RABGAP1L: variants seen among roughly 807,000 people sequenced by gnomAD.
The protein encoded by RABGAP1L is RAB GTPase activating protein 1 like.
A neutral mutation model predicts 137.7 loss-of-function variants in RABGAP1L; 63 were observed. The observed-to-expected ratio is 0.46, with a 90% CI of 0.37 to 0.56. The LOEUF is 0.56. Ranked by LOEUF, RABGAP1L falls within the 20% of genes least tolerant of loss-of-function variation. The pLI, the probability that RABGAP1L is intolerant of heterozygous loss-of-function variation, is 0.00. For missense variants in RABGAP1L, 1,095 were observed against 1,244.0 expected (o/e 0.88, Z 1.80); for synonymous variants, 431 against 433.7 (o/e 0.99, Z 0.08).
At chr1:174,465,272 T>C (rs1337149074) in intron 13 of RABGAP1L, among the ~76,000 whole-genome samples, 1 of 152,208 alleles carries the variant, frequency 6.6e-6, no homozygotes, top group Non-Finnish European at 1.5e-5. Context: ...TGATCTCAGC[T>C]CACTGTGACC....
At chr1:174,836,381 G>C (rs1225469876) in intron 19 of RABGAP1L, among the ~76,000 whole-genome samples, 1 of 152,138 alleles carries the variant, frequency 6.6e-6, no homozygotes, top group Non-Finnish European at 1.5e-5. Context: ...TCATTTCAAA[G>C]ATGTATTCTT....
intron 1 of RABGAP1L, among the ~76,000 whole-genome samples, chr1:174,193,668 A>G (rs1330351619): frequency 6.6e-6 from 1 of 152,216 alleles, no homozygotes; most frequent in Non-Finnish European, 1.5e-5. Context: ...ATATAGGAAC[A>G]TTAAACAGAA....
At chr1:174,496,473 T>C (rs1044475390) in intron 13 of RABGAP1L, among the ~76,000 whole-genome samples, 6 of 152,228 alleles carry the variant, frequency 3.9e-5, no homozygotes, top group African/African-American at 1.4e-4. Flanking sequence ...ACTGGTAGAC[T>C]GGCCAAAGCC....
intron 17 of RABGAP1L, among the ~76,000 whole-genome samples, chr1:174,738,920 T>C (rs1683169787): frequency 1.3e-5 from 2 of 152,246 alleles, no homozygotes; most frequent in African/African-American, 4.8e-5. Flanking sequence ...TTAGGTCTCT[T>C]TGCCTTGTAG....
chr1:174,257,929 A>G (rs2148619017), intron 7 of RABGAP1L, among the ~76,000 whole-genome samples: 1 of 152,336 alleles, frequency 6.6e-6, no homozygotes, highest in East Asian at 1.9e-4. Flanking sequence ...CTAATATCTA[A>G]CACTTGCAAC....
Position 174,328,740 on chromosome 1 carries a change from A to C in RABGAP1L, c.1465+23613A>C, listed in dbSNP as rs111728037. Among the ~76,000 whole-genome samples, 809 of 152,334 alleles carry C rather than the reference A, an allele frequency of 5.3e-3. 10 individuals carry two copies. Among genetic ancestry groups the C allele is most frequent in the African/African-American group, 0.018 (768 of 41,590 alleles). On this transcript the variant is annotated intron_variant, in intron 11 of 25. Coordinates refer to ENST00000681986, the MANE Select transcript of RABGAP1L (RefSeq NM_001366446.1). ...AGCCGAGATCATGCCACTGCACTCC[A>C]GCCTGGGCGACAGAGCAAGACTCCA...
At chr1:174,477,990 A>G (rs1266860238) in intron 13 of RABGAP1L, among the ~76,000 whole-genome samples, 2 of 152,116 alleles carry the variant, frequency 1.3e-5, no homozygotes, top group East Asian at 3.8e-4. Context: ...TAAACTAGTA[A>G]TAAGTTTTAT....
chr1:174,639,030 G>A (rs1208315294), intron 14 of RABGAP1L, among the ~76,000 whole-genome samples: 5 of 147,938 alleles, frequency 3.4e-5, no homozygotes, highest in Non-Finnish European at 7.5e-5. Context: ...AAAACTTAAA[G>A]TGTAATAAAA....
At chr1:174,806,430 T>C (rs1056276093) in intron 18 of RABGAP1L, among the ~76,000 whole-genome samples, 11 of 152,070 alleles carry the variant, frequency 7.2e-5, no homozygotes, top group African/African-American at 2.2e-4. Flanking sequence ...CAAAACCCCA[T>C]CTGTAAAAGA....
At chr1:174,958,691 T>A (rs891384300) in intron 20 of RABGAP1L, among the ~76,000 whole-genome samples, 3 of 152,192 alleles carry the variant, frequency 2.0e-5, no homozygotes, top group Admixed American at 6.5e-5. Context: ...TAGCATGGGA[T>A]GTGTGCAGAG....
In RABGAP1L at chr1:174,199,514, A is replaced by G. The variant is rs916233291; in HGVS notation, c.-33-19611A>G. Among the ~76,000 whole-genome samples, 27 of 152,048 alleles carry G rather than the reference A, an allele frequency of 1.8e-4. 1 individual carries two copies. The highest frequency in any genetic ancestry group is 6.5e-4 in the African/African-American group (27 of 41,470). ...ACTATTTTGACCAGGCTGGTCTCGA[A>G]CTCCTGACCGCAAGTGATCCGCCCA... On this transcript the variant is annotated intron_variant, in intron 1 of 25. Transcript: ENST00000681986.
At chr1:174,339,883 A>C (rs1681819914) in intron 11 of RABGAP1L, among the ~76,000 whole-genome samples, 2 of 152,186 alleles carry the variant, frequency 1.3e-5, no homozygotes, top group Non-Finnish European at 2.9e-5. Flanking sequence ...CTGGAATTAC[A>C]GGTGTGAGCC....
intron 16 of RABGAP1L, chr1:174,700,645 T>G (rs1679577576): frequency 6.3e-6 from 1 of 158,972 alleles, no homozygotes; most frequent in African/African-American, 2.4e-5. Context: ...GTAGAAGACT[T>G]TAAAATTGAA....
intron 18 of RABGAP1L, among the ~76,000 whole-genome samples, chr1:174,762,005 A>G (rs1685265991): frequency 6.6e-6 from 1 of 152,028 alleles, no homozygotes; most frequent in Non-Finnish European, 1.5e-5. Context: ...ATAGGCCCCA[A>G]CTAGAGGGTG....
At chr1:174,611,772 G>T (rs376047757) in intron 13 of RABGAP1L, among the ~76,000 whole-genome samples, 1 of 151,918 alleles carries the variant, frequency 6.6e-6, no homozygotes, top group Admixed American at 6.6e-5. Context: ...GGTCCTTCAC[G>T]TCCCTTTTAA....
intron 7 of RABGAP1L, 113 bp downstream of exon 7, chr1:174,252,703 G>A (rs1672809394): frequency 3.5e-6 from 5 of 1,429,528 alleles, no homozygotes; most frequent in Non-Finnish European, 4.6e-6. Context: ...AATTAAAAAT[G>A]AGGATAATTA....
Position 174,736,717 on chromosome 1 carries a change from G to A in RABGAP1L, c.2170-15596G>A, listed in dbSNP as rs573419086. On this transcript the variant is annotated intron_variant, in intron 17 of 25. Coordinates refer to ENST00000681986, the MANE Select transcript of RABGAP1L (RefSeq NM_001366446.1). Reference sequence around the variant, plus strand: ...TTTCATACATGTCCTGAAATCTAGGGGAAATCTGCCAAGCATCCTTCATGC... The same window carrying A: ...TTTCATACATGTCCTGAAATCTAGGAGAAATCTGCCAAGCATCCTTCATGC... Among the ~76,000 whole-genome samples, 3 of 152,304 alleles carry A rather than the reference G, an allele frequency of 2.0e-5. No individual in the cohort carries two copies. The East Asian group carries it at 5.8e-4, about 29-fold the overall frequency.
intron 15 of RABGAP1L, among the ~76,000 whole-genome samples, chr1:174,686,067 G>A (rs1383721123): frequency 6.6e-6 from 1 of 152,152 alleles, no homozygotes; most frequent in Non-Finnish European, 1.5e-5. Context: ...TTGAAGGGCT[G>A]ATGCGGAAGT....
chr1:174,196,865 A>T (rs1221663472), intron 1 of RABGAP1L, among the ~76,000 whole-genome samples: 1 of 152,034 alleles, frequency 6.6e-6, no homozygotes, highest in South Asian at 2.1e-4. Flanking sequence ...TTGGACATCA[A>T]CTTTGTCTTC....
Sources: allele counts gnomAD v4.1 joint callset (sites outside exome capture counted in the v4.1 genomes callset), GRCh38; gene constraint gnomAD v4.1.1; transcripts MANE v1.5; gene names NCBI Gene and HGNC (gene_info 2026-07-23, HGNC 2026-07-21).